LDB2: variants seen among roughly 807,000 people sequenced by gnomAD.
The protein encoded by LDB2 is LIM domain-binding protein 2.
A neutral mutation model predicts 44.3 loss-of-function variants in LDB2; 12 were observed. That is an observed-to-expected ratio of 0.27 (90% CI 0.17 to 0.44). The LOEUF (loss-of-function observed/expected upper bound fraction) is 0.44. LDB2 is among the 20% of genes least tolerant of loss of function. The probability of loss-of-function intolerance (pLI) is 1.00; values close to 1 mark genes in which losing one functional copy is unlikely to be tolerated. For missense variants in LDB2, 344 were observed against 473.5 expected (o/e 0.73, Z 2.54); for synonymous variants, 164 against 174.8 (o/e 0.94, Z 0.49).
chr4:16,595,199 C>A (rs960643747), intron 3 of LDB2, among the ~76,000 whole-genome samples: 1 of 152,052 alleles, frequency 6.6e-6, no homozygotes, highest in Non-Finnish European at 1.5e-5. Flanking sequence ...TATACTTGTT[C>A]AGCTGCTTGT....
chr4:16,821,523 A>G (rs1782010531), intron 1 of LDB2, among the ~76,000 whole-genome samples: 1 of 149,784 alleles, frequency 6.7e-6, no homozygotes, highest in Non-Finnish European at 1.5e-5. Flanking sequence ...AGCTGGGACT[A>G]CAGGCGCCCG....
intron 2 of LDB2, among the ~76,000 whole-genome samples, chr4:16,727,470 C>T (rs1294654172): frequency 6.6e-6 from 1 of 152,190 alleles, no homozygotes; most frequent in African/African-American, 2.4e-5. Context: ...ATCTCTGAAC[C>T]CCGCTCCAGG....
intron 2 of LDB2, among the ~76,000 whole-genome samples, chr4:16,733,447 G>A (rs1182741657): frequency 6.6e-6 from 1 of 152,088 alleles, no homozygotes; most frequent in Non-Finnish European, 1.5e-5. Flanking sequence ...GAAAGTTCTT[G>A]ACCAAAAAGT....
intron 2 of LDB2, among the ~76,000 whole-genome samples, chr4:16,638,426 C>T (rs1009816560): frequency 6.6e-6 from 1 of 152,162 alleles, no homozygotes; most frequent in East Asian, 1.9e-4. Flanking sequence ...ACGAATAGAG[C>T]TTAGAAGTCA....
At chr4:16,561,898 C>T (rs1742465943) in intron 5 of LDB2, among the ~76,000 whole-genome samples, 1 of 152,072 alleles carries the variant, frequency 6.6e-6, no homozygotes, top group Non-Finnish European at 1.5e-5. Flanking sequence ...AGAACAGAGC[C>T]CTCAGAAATA....
Position 16,595,697 on chromosome 4 carries a change from CTG to C in LDB2, c.408+4_408+5del. On this transcript the variant is annotated splice_donor_5th_base_variant and intron_variant, in intron 3 of 7. Coordinates refer to ENST00000304523, the MANE Select transcript of LDB2 (RefSeq NM_001290.5). The stretch of plus-strand genomic sequence containing the variant: ...AGCCGGGCATGTGACAGAGCCTGTC[CTG>C]TACCTTGGTAAACATGGGCTTCCCG... 5 of 1,612,502 alleles carry C rather than the reference CTG, an allele frequency of 3.1e-6. No individual in the cohort carries two copies. The highest frequency in any genetic ancestry group is 4.2e-6 in the Non-Finnish European group (5 of 1,179,406).
At chr4:16,572,091 C>CT (rs1746752596) in intron 5 of LDB2, among the ~76,000 whole-genome samples, 1 of 152,182 alleles carries the variant, frequency 6.6e-6, no homozygotes, top group Admixed American at 6.5e-5. Context: ...AGGGTGTTGA[C>CT]TGAGTTCACT....
chr4:16,528,921 A>C (rs528223499), intron 5 of LDB2, among the ~76,000 whole-genome samples: 2 of 151,936 alleles, frequency 1.3e-5, no homozygotes, highest in South Asian at 4.2e-4. Flanking sequence ...AGAGCAGCAG[A>C]GTCTACACCA....
intron 5 of LDB2, among the ~76,000 whole-genome samples, chr4:16,525,816 A>T (rs1176817954): frequency 6.6e-6 from 1 of 152,198 alleles, no homozygotes; most frequent in African/African-American, 2.4e-5. Context: ...TGGAGTTGGG[A>T]GGGTTGAAAA....
intron 1 of LDB2, among the ~76,000 whole-genome samples, chr4:16,795,399 T>C (rs180753706): frequency 3.3e-5 from 5 of 152,226 alleles, no homozygotes; most frequent in Admixed American, 1.3e-4. Context: ...AAGTGCAAGG[T>C]TGCATCTGAG....
At chr4:16,803,149 G>A (rs189978451) in intron 1 of LDB2, among the ~76,000 whole-genome samples, 8 of 152,254 alleles carry the variant, frequency 5.3e-5, no homozygotes, top group South Asian at 2.1e-4. Context: ...TGCATTGGGC[G>A]AATATCACTA....
intron 1 of LDB2, among the ~76,000 whole-genome samples, chr4:16,843,031 A>T (rs1786190559): frequency 6.6e-6 from 1 of 152,222 alleles, no homozygotes; most frequent in Non-Finnish European, 1.5e-5. Flanking sequence ...CAGTCTTACC[A>T]CGCAGCCATT....
At chr4:16,863,656 CTTT>C (rs143950913) in intron 1 of LDB2, among the ~76,000 whole-genome samples, 31 of 91,922 alleles carry the variant, frequency 3.4e-4, no homozygotes, top group Admixed American at 1.1e-3. Context: ...CTCACATTCT[CTTT>C]TTTTTTTTTT....
intron 2 of LDB2, among the ~76,000 whole-genome samples, chr4:16,740,049 A>G (rs1253319176): frequency 1.3e-5 from 2 of 152,038 alleles, no homozygotes; most frequent in Non-Finnish European, 2.9e-5. Context: ...ACATAAAATA[A>G]AGGAATCATA....
chr4:16,766,737 T>G (rs2109303471), intron 1 of LDB2, among the ~76,000 whole-genome samples: 1 of 152,010 alleles, frequency 6.6e-6, no homozygotes, highest in South Asian at 2.1e-4. Context: ...AACTCCTGAC[T>G]TCAGGTGATC....
rs187638403 is a variant in LDB2 at position 16,618,976 on chromosome 4, G to A, written c.236-23101C>T. Among the ~76,000 whole-genome samples the A allele has an allele frequency of 4.5e-4, 68 of 152,212 alleles. No individual in the cohort carries two copies. In the East Asian group the frequency reaches 0.012, roughly 27 times the overall value. The stretch of plus-strand genomic sequence containing the variant: ...TCAGTCTCTTCCTCCTGCTCCAGCC[G>A]TGTAGGACATGCTGGCTTCCCCTTC... On this transcript the variant is annotated intron_variant, in intron 2 of 7. Transcript: ENST00000304523.
At chr4:16,589,938 G>C (rs1011160549) in intron 3 of LDB2, among the ~76,000 whole-genome samples, 1 of 152,126 alleles carries the variant, frequency 6.6e-6, no homozygotes, top group Non-Finnish European at 1.5e-5. Flanking sequence ...AAATATCCTT[G>C]GGTAAGAATG....
intron 2 of LDB2, among the ~76,000 whole-genome samples, chr4:16,658,701 G>C (rs543275686): frequency 2.6e-5 from 4 of 152,156 alleles, no homozygotes; most frequent in Non-Finnish European, 5.9e-5. Flanking sequence ...TGTGACCTCA[G>C]TGTTAAAAAA....
At chr4:16,818,163 C>A (rs186382824) in intron 1 of LDB2, among the ~76,000 whole-genome samples, 1 of 152,136 alleles carries the variant, frequency 6.6e-6, no homozygotes, top group Non-Finnish European at 1.5e-5. Flanking sequence ...CTCTGCTGAA[C>A]CTCTCTCTTT....
Sources: allele counts gnomAD v4.1 joint callset (sites outside exome capture counted in the v4.1 genomes callset), GRCh38; gene constraint gnomAD v4.1.1; transcripts MANE v1.5; gene names NCBI Gene and HGNC (gene_info 2026-07-23, HGNC 2026-07-21).